WDPCP: variants seen among roughly 807,000 people sequenced by gnomAD.
WDPCP encodes WD repeat containing planar cell polarity effector.
WDPCP carries 71 observed loss-of-function variants against 93.1 expected under a neutral mutation model. That is an observed-to-expected ratio of 0.76 (90% CI 0.63 to 0.93). The LOEUF (loss-of-function observed/expected upper bound fraction) is 0.93. Ranked by LOEUF, WDPCP falls within the 40% of genes least tolerant of loss-of-function variation. WDPCP has a pLI of 0.00. For synonymous variants in WDPCP, 315 were observed against 315.0 expected, an observed-to-expected ratio of 1.00 and a Z score of 0.00; for missense variants, 844 against 887.4, an observed-to-expected ratio of 0.95 and a Z score of 0.62.
At chr2:63,471,781 T>G (rs971483844) in intron 6 of WDPCP, among the ~76,000 whole-genome samples, 1 of 152,218 alleles carries the variant, frequency 6.6e-6, no homozygotes, top group Non-Finnish European at 1.5e-5. Context: ...CTTTCCTGTA[T>G]GAAATTCACT....
chr2:63,152,272 C>CTTT (rs530922242), intron 17 of WDPCP, among the ~76,000 whole-genome samples: 2 of 140,148 alleles, frequency 1.4e-5, no homozygotes, highest in Admixed American at 7.2e-5. Context: ...CCTGGCTACT[C>CTTT]TTTTTTTTTT....
intron 3 of WDPCP, chr2:63,599,386 TC>T (rs1177809497): frequency 1.9e-4 from 256 of 1,357,526 alleles, no homozygotes; most frequent in Non-Finnish European, 1.1e-4. Flanking sequence ...TGTGCTTTTT[TC>T]TTGTTTTTGT....
chr2:63,324,391 C>T lies in WDPCP; in HGVS notation c.1749-11080G>A, dbSNP rs550547330. The stretch of plus-strand genomic sequence containing the variant: ...AAGCAAAGAAATCTCCAAAGGACCA[C>T]AAAAACCCCCGGGCTATCGGTTACG... On this transcript the variant is annotated intron_variant, in intron 12 of 17. Coordinates refer to ENST00000272321, the MANE Select transcript of WDPCP (RefSeq NM_015910.7). Among the ~76,000 whole-genome samples the T allele has an allele frequency of 8.5e-5, 13 of 152,158 alleles. No homozygotes were observed. In the South Asian group the frequency reaches 2.3e-3, roughly 27 times the overall value.
intron 2 of WDPCP, among the ~76,000 whole-genome samples, chr2:63,756,702 C>T (rs1669973752): frequency 6.6e-6 from 1 of 152,088 alleles, no homozygotes; most frequent in African/African-American, 2.4e-5. Context: ...AAAACAAATA[C>T]TAACAACCTC....
chr2:63,345,725 A>G (rs1689146882), intron 12 of WDPCP, among the ~76,000 whole-genome samples: 1 of 152,170 alleles, frequency 6.6e-6, no homozygotes, highest in African/African-American at 2.4e-5. Context: ...GAAATATGAA[A>G]TGGGTACCTC....
intron 2 of WDPCP, among the ~76,000 whole-genome samples, chr2:63,652,173 G>A (rs1024387021): frequency 4.6e-5 from 7 of 152,232 alleles, no homozygotes; most frequent in Non-Finnish European, 2.9e-5. Flanking sequence ...CTTCTGTGAA[G>A]CTCTAGCAAG....
At chr2:63,336,352 T>C (rs902072328) in intron 12 of WDPCP, among the ~76,000 whole-genome samples, 25 of 152,206 alleles carry the variant, frequency 1.6e-4, no homozygotes, top group African/African-American at 5.8e-4. Flanking sequence ...GCTATTTCTT[T>C]CTTTTACCTA....
chr2:63,710,951 G>T (rs980842743), intron 2 of WDPCP, among the ~76,000 whole-genome samples: 1 of 152,176 alleles, frequency 6.6e-6, no homozygotes, highest in Non-Finnish European at 1.5e-5. Context: ...CAGGGAAGCT[G>T]CAACATCAAG....
chr2:63,404,061 C>T lies in WDPCP; in HGVS notation c.1422G>A (p.Leu474=), dbSNP rs372166855. 12 of 1,613,924 alleles carry T rather than the reference C, an allele frequency of 7.4e-6. No individual in the cohort carries two copies. In the African/African-American group the frequency reaches 1.6e-4, roughly 22 times the overall value. ...TCCTTGACTTACCTAGTTTAAACAA[C>T]AGCACACCCAAAGGTCCTCTTTCAA... ...LRFERGPLGV[L]LFKLGVFTRG... Residue 474 remains leucine (L), a synonymous_variant, in exon 10 of 18, where the codon CTG becomes CTA. Coordinates refer to ENST00000272321, the MANE Select transcript of WDPCP (RefSeq NM_015910.7).
intron 2 of WDPCP, among the ~76,000 whole-genome samples, chr2:63,799,523 T>C (rs1156370468): frequency 1.3e-5 from 2 of 152,164 alleles, no homozygotes; most frequent in African/African-American, 4.8e-5. Flanking sequence ...GTAGCCTCAA[T>C]GGTTTGTACC....
chr2:63,603,221 G>C (rs1182473109), intron 3 of WDPCP, among the ~76,000 whole-genome samples: 1 of 152,114 alleles, frequency 6.6e-6, no homozygotes, highest in African/African-American at 2.4e-5. Context: ...CTCCCAAAGT[G>C]CTGGGATTAT....
At chr2:63,340,806 C>G (rs1490248577) in intron 12 of WDPCP, among the ~76,000 whole-genome samples, 2 of 152,024 alleles carry the variant, frequency 1.3e-5, no homozygotes, top group African/African-American at 4.8e-5. Context: ...ATATTTATTT[C>G]TGGTTTTCTG....
chr2:63,313,603 T>G lies in WDPCP; in HGVS notation c.1749-292A>C, dbSNP rs72894357. 4.9e-3 allele frequency among the ~76,000 whole-genome samples: 745 copies of G among 152,154 alleles called. 6 individuals are homozygous for G. The highest frequency in any genetic ancestry group is 0.017 in the African/African-American group (711 of 41,516). On this transcript the variant is annotated intron_variant, in intron 12 of 17. Coordinates refer to ENST00000272321, the MANE Select transcript of WDPCP (RefSeq NM_015910.7). ...GCTTAGAAAATACGTTGCCTCTTCT[T>G]GTTAGTACCTCCTATATTTGCCTGA...
intron 13 of WDPCP, among the ~76,000 whole-genome samples, chr2:63,274,612 G>A (rs975786074): frequency 6.6e-6 from 1 of 151,958 alleles, no homozygotes. Flanking sequence ...ATCAGAAAGG[G>A]TAAAGGAGAC....
chr2:63,406,350 T>C (rs1189756535), intron 9 of WDPCP, among the ~76,000 whole-genome samples: 1 of 152,154 alleles, frequency 6.6e-6, no homozygotes, highest in Non-Finnish European at 1.5e-5. Flanking sequence ...CTCACACTCT[T>C]TTTGCTGCAG....
intron 2 of WDPCP, among the ~76,000 whole-genome samples, chr2:63,752,929 A>G (rs1558902227): frequency 6.6e-6 from 1 of 151,942 alleles, no homozygotes; most frequent in East Asian, 1.9e-4. Flanking sequence ...ACTGATCTCA[A>G]GTGATCCACC....
chr2:63,232,119 GC>G (rs1422509784), intron 14 of WDPCP, among the ~76,000 whole-genome samples: 1 of 152,212 alleles, frequency 6.6e-6, no homozygotes, highest in Non-Finnish European at 1.5e-5. Context: ...GGGAAAACTG[GC>G]TAGCCATAGG....
At chr2:63,210,808 A>T (rs932619298) in intron 14 of WDPCP, among the ~76,000 whole-genome samples, 1 of 152,226 alleles carries the variant, frequency 6.6e-6, no homozygotes. Flanking sequence ...AGGAGATTAT[A>T]TTCCATGCCT....
At chr2:63,662,132 A>C (rs1710233772) in intron 2 of WDPCP, among the ~76,000 whole-genome samples, 1 of 152,200 alleles carries the variant, frequency 6.6e-6, no homozygotes, top group Non-Finnish European at 1.5e-5. Flanking sequence ...GACTTGCCCT[A>C]TGTGCCACAA....
Sources: allele counts gnomAD v4.1 joint callset (sites outside exome capture counted in the v4.1 genomes callset), GRCh38; gene constraint gnomAD v4.1.1; transcripts MANE v1.5; gene names NCBI Gene and HGNC (gene_info 2026-07-23, HGNC 2026-07-21).